HYAL4: variants seen among roughly 807,000 people sequenced by gnomAD.
HYAL4 encodes hyaluronidase 4.
In HYAL4, 37 loss-of-function variants were observed where a neutral mutation model predicts 35.2. That is an observed-to-expected ratio of 1.05 (90% CI 0.81 to 1.38). The LOEUF (loss-of-function observed/expected upper bound fraction) is 1.38, where lower values mean the gene tolerates loss of function less well. Among genes scored for constraint, HYAL4 ranks in the 40% most tolerant of loss-of-function variants. HYAL4 has a pLI of 0.00. For missense variants in HYAL4, 572 were observed against 572.4 expected, an observed-to-expected ratio of 1.00 and a Z score of 0.01; for synonymous variants, 198 against 203.2, an observed-to-expected ratio of 0.97 and a Z score of 0.22.
In HYAL4 at chr7:123,832,479, C is replaced by CTTTTTTTTTTTTTTTTTTTTTTT. The variant is rs71163703; in HGVS notation, c.-257+3371_-257+3393dup. On this transcript the variant is annotated intron_variant, in intron 1 of 4. Transcript: ENST00000489978. ...AGTCCCCAAAGTCTATTGTGTCATA[C>CTTTTTTTTTTTTTTTTTTTTTTT]TTTTTTTTTTTTTTTTTTTTTTTTT... 3.7e-4 allele frequency among the ~76,000 whole-genome samples: 8 copies of CTTTTTTTTTTTTTTTTTTTTTTT among 21,842 alleles called. 2 individuals carry two copies. The highest frequency in any genetic ancestry group is 8.3e-4 in the African/African-American group (3 of 3,596). The allele number at this position is 21,842 out of a possible 152,430, so 14.3% of individuals were successfully genotyped here.
At chr7:123,798,832 G>A in the HYAL4 span, among the ~76,000 whole-genome samples, 1 of 152,130 alleles carries the variant, frequency 6.6e-6, no homozygotes, top group Non-Finnish European at 1.5e-5. Context: ...GCTACAAGAT[G>A]GTGGCAGCTG....
At chr7:123,802,730 A>T in the HYAL4 span, among the ~76,000 whole-genome samples, 3 of 152,206 alleles carry the variant, frequency 2.0e-5, no homozygotes, top group African/African-American at 7.2e-5. Flanking sequence ...ACTAAAGGAA[A>T]AGCCAAGTAT....
At chr7:123,869,896 G>A (rs1163461741) in intron 3 of HYAL4, among the ~76,000 whole-genome samples, 2 of 149,918 alleles carry the variant, frequency 1.3e-5, no homozygotes, top group Non-Finnish European at 2.9e-5. Flanking sequence ...CACCATGTTG[G>A]ACAGGCTGGC....
upstream of HYAL4, among the ~76,000 whole-genome samples, chr7:123,824,313 C>T (rs1188774182): frequency 6.6e-6 from 1 of 152,102 alleles, no homozygotes; most frequent in Admixed American, 6.6e-5. Context: ...CTCTCTTCCC[C>T]ACACACCAGG....
At chr7:123,841,989 T>C (rs919905405), upstream of HYAL4, among the ~76,000 whole-genome samples, 23 of 152,012 alleles carry the variant, frequency 1.5e-4, no homozygotes, top group African/African-American at 5.5e-4. Context: ...TGTGTGTCTG[T>C]ATCTCTTTCA....
chr7:123,859,188 C>T (rs914040137), intron 2 of HYAL4, among the ~76,000 whole-genome samples: 37 of 152,060 alleles, frequency 2.4e-4, no homozygotes, highest in Admixed American at 6.5e-5. Context: ...GAATAAATCA[C>T]CAAAACTAAT....
the HYAL4 span, among the ~76,000 whole-genome samples, chr7:123,811,358 T>C: frequency 3.3e-5 from 5 of 152,198 alleles, no homozygotes; most frequent in African/African-American, 1.2e-4. Context: ...ACATTTGGAG[T>C]TGGAATTGTT....
rs777960351 is a variant in HYAL4, at chr7:123,868,617, A to G, written c.344A>G (p.Asn115Ser). ...GVPINGGLPQNISLQVHLEKA... is the reference protein window; with the variant it reads ...GVPINGGLPQSISLQVHLEKA... ...CCCATTAATGGAGGTCTCCCACAGA[A>G]CATAAGTTTACAAGTACATCTGGAA... is the stretch of plus-strand genomic sequence containing the variant. Residue 115 changes from asparagine (N) to serine (S), a missense_variant, in exon 3 of 5, where the codon AAC becomes AGC. Coordinates refer to ENST00000223026, the MANE Select transcript of HYAL4 (RefSeq NM_012269.3). 7 of 1,614,176 alleles carry G rather than the reference A, an allele frequency of 4.3e-6. No individual in the cohort carries two copies. The highest frequency in any genetic ancestry group is 5.9e-6 in the Non-Finnish European group (7 of 1,180,012).
chr7:123,764,244 A>T, the HYAL4 span, among the ~76,000 whole-genome samples: 2 of 152,272 alleles, frequency 1.3e-5, no homozygotes, highest in South Asian at 2.1e-4. Context: ...CAGTGCTGGG[A>T]TTTTAGGGGT....
chr7:123,842,942 C>G (rs1161547949), upstream of HYAL4, among the ~76,000 whole-genome samples: 8 of 151,856 alleles, frequency 5.3e-5, no homozygotes. Flanking sequence ...TGGGTCTTGA[C>G]TATTTATCCA....
At chr7:123,793,113 A>G in the HYAL4 span, among the ~76,000 whole-genome samples, 59 of 152,208 alleles carry the variant, frequency 3.9e-4, no homozygotes, top group Non-Finnish European at 1.0e-4. Context: ...TGGTGTTTCA[A>G]AACATTCTGT....
the HYAL4 span, among the ~76,000 whole-genome samples, chr7:123,764,194 T>C: frequency 6.6e-6 from 1 of 152,168 alleles, no homozygotes; most frequent in Non-Finnish European, 1.5e-5. Context: ...AGGCTGGTCT[T>C]GCACCCCCAG....
intron 3 of HYAL4, among the ~76,000 whole-genome samples, chr7:123,872,627 A>G (rs904502779): frequency 9.2e-5 from 14 of 152,182 alleles, no homozygotes; most frequent in African/African-American, 3.1e-4. Context: ...TTTTCAGTAC[A>G]TCTACTTTGT....
chr7:123,774,599 G>A, the HYAL4 span, among the ~76,000 whole-genome samples: 1 of 152,116 alleles, frequency 6.6e-6, no homozygotes, highest in East Asian at 1.9e-4. Flanking sequence ...GGATCTCCTT[G>A]AAATGCAAAG....
intron 4 of HYAL4, 35 bp from the exon 5 acceptor site, chr7:123,876,719 A>G: frequency 6.3e-7 from 1 of 1,590,156 alleles, no homozygotes; most frequent in Non-Finnish European, 8.6e-7. Flanking sequence ...TACCAGGGAG[A>G]ACACACTAAA....
the HYAL4 span, among the ~76,000 whole-genome samples, chr7:123,804,797 G>A: frequency 1.3e-5 from 2 of 152,106 alleles, no homozygotes; most frequent in African/African-American, 4.8e-5. Context: ...TACAAACTTT[G>A]GCTATAGATT....
chr7:123,788,829 T>C, the HYAL4 span, among the ~76,000 whole-genome samples: 2 of 152,250 alleles, frequency 1.3e-5, no homozygotes, highest in Admixed American at 1.3e-4. Context: ...GCTATTTTAC[T>C]ACCTCTGTTC....
In HYAL4 at chr7:123,874,386, C is replaced by G. The variant is rs184857700; in HGVS notation, c.955-375C>G. ...TGTTATACTGAACTCAGACTCTAAT[C>G]CTAATCCCTGGTGGGTTTTTTTGTT... On this transcript the variant is annotated intron_variant, in intron 3 of 4. Transcript: ENST00000223026. Among the ~76,000 whole-genome samples, 4 of 152,194 alleles carry G rather than the reference C, an allele frequency of 2.6e-5. No homozygotes were observed. The East Asian group carries it at 7.7e-4, about 29-fold the overall frequency.
chr7:123,832,490 T>C (rs1341452118), intron 1 of HYAL4, among the ~76,000 whole-genome samples: 3,705 of 69,248 alleles, frequency 0.054, 548 homozygotes, highest in Non-Finnish European at 0.079. Context: ...TTTTTTTTTT[T>C]TTTTTTTTTT....
Sources: allele counts gnomAD v4.1 joint callset (sites outside exome capture counted in the v4.1 genomes callset), GRCh38; gene constraint gnomAD v4.1.1; transcripts MANE v1.5; gene names NCBI Gene and HGNC (gene_info 2026-07-23, HGNC 2026-07-21).